The following SAMD4A variants were observed in gnomAD, a reference collection of about 807,000 sequenced individuals.
SAMD4A encodes the protein protein Smaug homolog 1.
SAMD4A carries 33 observed loss-of-function variants against 81.3 expected under a neutral mutation model. The observed-to-expected ratio is 0.41, with a 90% CI of 0.31 to 0.54. The LOEUF (loss-of-function observed/expected upper bound fraction) is 0.54. Among genes scored for constraint, SAMD4A ranks in the 20% least tolerant of loss-of-function variants. The pLI is 0.37. For synonymous variants in SAMD4A, 389 were observed against 382.1 expected (o/e 1.02, Z -0.21); for missense variants, 854 against 951.1 (o/e 0.90, Z 1.34).
At chr14:54,700,992 A>ATTTTTTTTTTTTTTTTT (rs1555344776) in intron 2 of SAMD4A, 1 of 121,654 alleles carries the variant, frequency 8.2e-6, no homozygotes, top group Non-Finnish European at 1.8e-5. Flanking sequence ...TGAAACGGTG[A>ATTTTTTTTTTTTTTTTT]ATTTTTTTTT....
Position 54,685,280 on chromosome 14 carries a change from C to T in SAMD4A, c.197-16782C>T, listed in dbSNP as rs560101624. On this transcript the variant is annotated intron_variant, in intron 2 of 12. Transcript: ENST00000554335. ...ATAACTCCCCATTCTTCCTGCCCCC[C>T]CCCCCAGCTCCTGGCAGCCACCATT... is the stretch of plus-strand genomic sequence containing the variant. Among the ~76,000 whole-genome samples, 301 of 148,496 alleles carry T rather than the reference C, an allele frequency of 2.0e-3. 3 individuals are homozygous for T. Among genetic ancestry groups the T allele is most frequent in the African/African-American group, 7.0e-3 (278 of 39,496 alleles).
At chr14:54,692,065 C>T (rs1223489963) in intron 2 of SAMD4A, among the ~76,000 whole-genome samples, 1 of 152,208 alleles carries the variant, frequency 6.6e-6, no homozygotes, top group Non-Finnish European at 1.5e-5. Context: ...ACACACCACA[C>T]CACAGGGCTC....
intron 2 of SAMD4A, among the ~76,000 whole-genome samples, chr14:54,654,748 A>G (rs1404557685): frequency 1.1e-4 from 16 of 152,218 alleles, no homozygotes. Context: ...ATTTAGCCAC[A>G]GGTCAGCAAA....
chr14:54,644,439 G>T (rs2035241460), intron 2 of SAMD4A, among the ~76,000 whole-genome samples: 1 of 152,212 alleles, frequency 6.6e-6, no homozygotes, highest in Non-Finnish European at 1.5e-5. Flanking sequence ...CTATGTACTT[G>T]ACAGAAATTC....
intron 8 of SAMD4A, among the ~76,000 whole-genome samples, chr14:54,769,829 G>A (rs906668680): frequency 1.3e-5 from 2 of 152,176 alleles, no homozygotes; most frequent in African/African-American, 4.8e-5. Flanking sequence ...GGAGGGAGGG[G>A]GAATGTGGAT....
chr14:54,622,249 A>C (rs1174329201), intron 2 of SAMD4A, among the ~76,000 whole-genome samples: 1 of 152,220 alleles, frequency 6.6e-6, no homozygotes, highest in African/African-American at 2.4e-5. Context: ...ACTGGAAAGC[A>C]GTGGTTATAA....
At chr14:54,655,921 A>C in intron 2 of SAMD4A, among the ~76,000 whole-genome samples, 1 of 152,218 alleles carries the variant, frequency 6.6e-6, no homozygotes, top group African/African-American at 2.4e-5. Flanking sequence ...GGTGAGGAAC[A>C]ACTTAAGTTT....
In SAMD4A at chr14:54,664,920, T is replaced by C. The variant is rs183874871; in HGVS notation, c.197-37142T>C. Among the ~76,000 whole-genome samples the C allele has an allele frequency of 4.6e-5, 7 of 152,298 alleles. No individual in the cohort carries two copies. The East Asian group carries it at 1.3e-3, about 29-fold the overall frequency. On this transcript the variant is annotated intron_variant, in intron 2 of 12. Coordinates refer to ENST00000554335, the MANE Select transcript of SAMD4A (RefSeq NM_015589.6). Reference sequence around the variant, plus strand: ...ATTAGATAGTTCAGGAAAACACTTATTTCTCCTAAAGTGAGATCAGGTTGT... The same window carrying C: ...ATTAGATAGTTCAGGAAAACACTTACTTCTCCTAAAGTGAGATCAGGTTGT...
At chr14:54,656,689 G>A (rs923629867) in intron 2 of SAMD4A, among the ~76,000 whole-genome samples, 1 of 152,106 alleles carries the variant, frequency 6.6e-6, no homozygotes, top group Non-Finnish European at 1.5e-5. Flanking sequence ...GGGCAGTGGC[G>A]CGATCTCGGC....
intron 2 of SAMD4A, among the ~76,000 whole-genome samples, chr14:54,674,552 G>T (rs1240086997): frequency 2.0e-5 from 3 of 150,812 alleles, no homozygotes; most frequent in South Asian, 2.1e-4. Flanking sequence ...GGTTTCTACT[G>T]GTGTGGTTTC....
chr14:54,756,309 A>G lies in SAMD4A; in HGVS notation c.1177-3852A>G, dbSNP rs762096070. 2.6e-5 allele frequency among the ~76,000 whole-genome samples: 4 copies of G among 152,118 alleles called. No homozygotes were observed. The East Asian group carries it at 5.8e-4, about 22-fold the overall frequency. The stretch of plus-strand genomic sequence containing the variant: ...CTCCTTAGAAAGTTGGTTGCTAAGG[A>G]CTTGGAAAAGCTCTTCAGCTTCATC... On this transcript the variant is annotated intron_variant, in intron 6 of 12. Transcript: ENST00000554335.
At chr14:54,746,828 G>C (rs1414314420) in intron 4 of SAMD4A, among the ~76,000 whole-genome samples, 1 of 152,236 alleles carries the variant, frequency 6.6e-6, no homozygotes, top group African/African-American at 2.4e-5. Flanking sequence ...TTTCTGAGCA[G>C]TGACTTGGGA....
chr14:54,737,308 C>A, intron 4 of SAMD4A, 21 bp downstream of exon 4: 1 of 1,612,584 alleles, frequency 6.2e-7, no homozygotes, highest in Non-Finnish European at 8.5e-7. Flanking sequence ...AAATGAGAAA[C>A]CACTGGGGAA....
chr14:54,771,974 A>C (rs1448555747), intron 9 of SAMD4A, among the ~76,000 whole-genome samples: 1 of 152,200 alleles, frequency 6.6e-6, no homozygotes, highest in Non-Finnish European at 1.5e-5. Flanking sequence ...TGGAGTCCTA[A>C]TGGACCCCTT....
chr14:54,625,362 C>G (rs1481603212), intron 2 of SAMD4A, among the ~76,000 whole-genome samples: 2 of 152,222 alleles, frequency 1.3e-5, no homozygotes, highest in Non-Finnish European at 2.9e-5. Flanking sequence ...TCGTGACATT[C>G]TGTCATTAGT....
rs564504955 is a variant in SAMD4A at position 54,726,397 on chromosome 14, C to T, written c.716-10627C>T. Among the ~76,000 whole-genome samples, 17 of 152,216 alleles carry T rather than the reference C, an allele frequency of 1.1e-4. No individual in the cohort carries two copies. The South Asian group carries it at 3.5e-3, about 32-fold the overall frequency. On this transcript the variant is annotated intron_variant, in intron 3 of 12. Coordinates refer to ENST00000554335, the MANE Select transcript of SAMD4A (RefSeq NM_015589.6). The stretch of plus-strand genomic sequence containing the variant: ...GAGAGCAGTGCAAGAGTGATCAACC[C>T]TGAGCTAAAGAACCTGAACAGAATT...
chr14:54,696,475 T>A (rs1432320411), intron 2 of SAMD4A, among the ~76,000 whole-genome samples: 1 of 152,234 alleles, frequency 6.6e-6, no homozygotes, highest in Non-Finnish European at 1.5e-5. Flanking sequence ...TGCATTTAAT[T>A]CCTAGCCATT....
chr14:54,689,253 A>G (rs2036367592), intron 2 of SAMD4A, among the ~76,000 whole-genome samples: 1 of 151,868 alleles, frequency 6.6e-6, no homozygotes, highest in African/African-American at 2.4e-5. Context: ...ATTTCTAACA[A>G]TTTTCCAGGC....
At chr14:54,704,124 T>C (rs1275299376) in intron 3 of SAMD4A, among the ~76,000 whole-genome samples, 1 of 152,198 alleles carries the variant, frequency 6.6e-6, no homozygotes, top group East Asian at 1.9e-4. Flanking sequence ...ACTTGCACAT[T>C]ATGGGAATTA....
Sources: gnomAD v4.1 joint callset for allele counts (sites outside exome capture counted in the v4.1 genomes callset) on GRCh38, gnomAD v4.1.1 for gene constraint, MANE v1.5 for transcripts, NCBI Gene and HGNC (gene_info 2026-07-23, HGNC 2026-07-21) for gene names.